Variants in GNA14 observed in about 807,000 individuals in gnomAD.
The protein encoded by GNA14 is guanine nucleotide-binding protein subunit alpha-14.
In GNA14, 50 loss-of-function variants were observed where a neutral mutation model predicts 42.0. That is an observed-to-expected ratio of 1.19 (90% CI 0.95 to 1.51). The LOEUF is 1.51. GNA14 is among the 40% of genes most tolerant of loss of function. GNA14 has a pLI of 0.00. For synonymous variants in GNA14, 173 were observed against 163.1 expected, an observed-to-expected ratio of 1.06 and a Z score of -0.46; for missense variants, 473 against 446.2, an observed-to-expected ratio of 1.06 and a Z score of -0.54.
At chr9:77,579,872 G>A (rs1324871760) in intron 1 of GNA14, among the ~76,000 whole-genome samples, 1 of 152,118 alleles carries the variant, frequency 6.6e-6, no homozygotes, top group Non-Finnish European at 1.5e-5. Context: ...CTTGCTAGTT[G>A]ATTCATTTCT....
At chr9:77,537,485 A>G (rs758888061) in intron 1 of GNA14, among the ~76,000 whole-genome samples, 2 of 152,184 alleles carry the variant, frequency 1.3e-5, no homozygotes, top group African/African-American at 2.4e-5. Context: ...CTGTCCATCA[A>G]TGGACACTTA....
intron 1 of GNA14, among the ~76,000 whole-genome samples, chr9:77,568,501 A>AG (rs1564055715): frequency 9.9e-5 from 15 of 152,162 alleles, no homozygotes; most frequent in African/African-American, 3.1e-4. Flanking sequence ...CAAAAAAAAA[A>AG]AAAAGAAAGA....
intron 1 of GNA14, among the ~76,000 whole-genome samples, chr9:77,636,439 A>G (rs1328494237): frequency 6.6e-6 from 1 of 152,246 alleles, no homozygotes; most frequent in African/African-American, 2.4e-5. Flanking sequence ...TTGGATGGAA[A>G]TATCAGCCAT....
intron 2 of GNA14, among the ~76,000 whole-genome samples, chr9:77,465,944 G>C (rs1424131533): frequency 1.3e-5 from 2 of 152,112 alleles, no homozygotes; most frequent in Non-Finnish European, 2.9e-5. Flanking sequence ...ATTGCCTCTG[G>C]CTTCTATTTT....
chr9:77,503,184 T>C lies in GNA14; in HGVS notation c.309+25885A>G, dbSNP rs950122111. On this transcript the variant is annotated intron_variant, in intron 2 of 6. Transcript: ENST00000341700. The stretch of plus-strand genomic sequence containing the variant: ...TGGAAAAGTATGCCTACTCTATGTT[T>C]CCAGAAATGGGGGTTCCCATATCTT... Among the ~76,000 whole-genome samples the C allele has an allele frequency of 2.0e-5, 3 of 152,332 alleles. No homozygotes were observed. The East Asian group carries it at 5.8e-4, about 29-fold the overall frequency.
intron 2 of GNA14, among the ~76,000 whole-genome samples, chr9:77,492,571 G>A (rs1343093903): frequency 6.6e-6 from 1 of 152,036 alleles, no homozygotes; most frequent in Non-Finnish European, 1.5e-5. Context: ...AGAAAAAAAG[G>A]ATACATTCCT....
Position 77,504,257 on chromosome 9 carries a change from C to T in GNA14, c.309+24812G>A, listed in dbSNP as rs143165736. 6.4e-3 allele frequency among the ~76,000 whole-genome samples: 975 copies of T among 151,976 alleles called. 10 individuals carry two copies. Among genetic ancestry groups the T allele is most frequent in the Middle Eastern group, 0.034 (10 of 294 alleles). ...TTCTTTTCAAGGGCCCTTATAAACGCGATCTTTTTTTCTAAGCCTTAAATA... is the reference window on the plus strand; with the variant it reads ...TTCTTTTCAAGGGCCCTTATAAACGTGATCTTTTTTTCTAAGCCTTAAATA... On this transcript the variant is annotated intron_variant, in intron 2 of 6. Transcript: ENST00000341700.
At chr9:77,467,241 G>C (rs1433893593) in intron 2 of GNA14, among the ~76,000 whole-genome samples, 1 of 151,858 alleles carries the variant, frequency 6.6e-6, no homozygotes, top group Non-Finnish European at 1.5e-5. Flanking sequence ...GTCACCTCTG[G>C]GTCAGAGTAG....
At position 77,424,157 on chromosome 9, in the gene GNA14, T is replaced by C. The variant is rs1163915410; in HGVS notation, c.890A>G (p.Asp297Gly). 2 of 1,609,038 alleles carry C rather than the reference T, an allele frequency of 1.2e-6. No individual in the cohort carries two copies. The highest frequency in any genetic ancestry group is 1.7e-6 in the Non-Finnish European group (2 of 1,177,312). ...GATAAAGTCTCTGGCAGCTCTGACA[T>C]CCTGTTTCGGTCCTAGTCACAAGTG... is the stretch of plus-strand genomic sequence containing the variant. ...YFPEYTGPKQDVRAARDFILK... is the reference protein window; with the variant it reads ...YFPEYTGPKQGVRAARDFILK... Residue 297 changes from aspartate to glycine, a missense_variant, in exon 7 of 7, where the codon GAT (aspartate) becomes GGT (glycine). By Grantham distance (94) the Asp-to-Gly change is moderately conservative (BLOSUM62 -1). Transcript: ENST00000341700.
chr9:77,489,347 G>A (rs1320264630), intron 2 of GNA14, among the ~76,000 whole-genome samples: 1 of 152,132 alleles, frequency 6.6e-6, no homozygotes, highest in Non-Finnish European at 1.5e-5. Context: ...AGAGGAAGGG[G>A]TACAAAGCTT....
At chr9:77,627,343 AAAC>A (rs1328272302) in intron 1 of GNA14, among the ~76,000 whole-genome samples, 4 of 152,208 alleles carry the variant, frequency 2.6e-5, no homozygotes, top group Non-Finnish European at 5.9e-5. Flanking sequence ...AAACTATTCC[AAAC>A]AACAGAAAAA....
At chr9:77,580,578 T>C in intron 1 of GNA14, 2 of 507,444 alleles carry the variant, frequency 3.9e-6, no homozygotes, top group South Asian at 3.7e-5. Flanking sequence ...TCAGTGAAGC[T>C]TGGGTTTGCA....
At chr9:77,576,077 T>C (rs1328516201) in intron 1 of GNA14, among the ~76,000 whole-genome samples, 1 of 152,236 alleles carries the variant, frequency 6.6e-6, no homozygotes, top group Non-Finnish European at 1.5e-5. Flanking sequence ...ACATATAAAA[T>C]CTTCTATGGT....
At chr9:77,561,710 G>T (rs1404136360) in intron 1 of GNA14, among the ~76,000 whole-genome samples, 1 of 152,128 alleles carries the variant, frequency 6.6e-6, no homozygotes, top group East Asian at 1.9e-4. Flanking sequence ...CAGTAGTGAT[G>T]GTTTCACAAC....
At chr9:77,568,512 AAG>A (rs1343740659) in intron 1 of GNA14, among the ~76,000 whole-genome samples, 2 of 152,104 alleles carry the variant, frequency 1.3e-5, no homozygotes, top group African/African-American at 4.8e-5. Flanking sequence ...AAAAGAAAGA[AAG>A]AAAGAAAGAA....
chr9:77,468,693 C>T (rs947657633), intron 2 of GNA14, among the ~76,000 whole-genome samples: 82 of 152,170 alleles, frequency 5.4e-4, no homozygotes, highest in Non-Finnish European at 2.6e-4. Flanking sequence ...ATTGCTGCTG[C>T]GTGCTTCTCT....
chr9:77,528,153 A>G (rs1052164254), intron 2 of GNA14, among the ~76,000 whole-genome samples: 2 of 152,184 alleles, frequency 1.3e-5, no homozygotes, highest in Non-Finnish European at 2.9e-5. Flanking sequence ...TCATATATAT[A>G]TGAGTATAGG....
chr9:77,424,958 C>A (rs1167245835), intron 6 of GNA14, among the ~76,000 whole-genome samples: 5 of 152,070 alleles, frequency 3.3e-5, no homozygotes, highest in Non-Finnish European at 7.4e-5. Flanking sequence ...CCTCCTGTAC[C>A]AGAAACAATT....
intron 1 of GNA14, 63 bp from the exon 2 acceptor site, chr9:77,529,316 A>G: frequency 7.9e-7 from 1 of 1,259,564 alleles, no homozygotes; most frequent in South Asian, 1.2e-5. Context: ...ACGAAGAAAC[A>G]GAGGACCTCC....
Sources: allele counts gnomAD v4.1 joint callset (sites outside exome capture counted in the v4.1 genomes callset), GRCh38; gene constraint gnomAD v4.1.1; transcripts MANE v1.5; gene names NCBI Gene and HGNC (gene_info 2026-07-23, HGNC 2026-07-21).